PKHD1: variants seen among roughly 807,000 people sequenced by gnomAD.
The protein encoded by PKHD1 is fibrocystin.
A neutral mutation model predicts 412.0 loss-of-function variants in PKHD1; 291 were observed. That is an observed-to-expected ratio of 0.71 (90% confidence interval 0.64 to 0.78). The LOEUF (loss-of-function observed/expected upper bound fraction) is 0.78, where lower values mean the gene tolerates loss of function less well. PKHD1 is among the 30% of genes least tolerant of loss of function. The pLI, the probability that PKHD1 is intolerant of heterozygous loss-of-function variation, is 0.00. For synonymous variants in PKHD1, 1,777 were observed against 1,821.5 expected (o/e 0.98, Z 0.62); for missense variants, 4,825 against 4,950.7 (o/e 0.97, Z 0.76).
chr6:51,836,435 C>A lies in PKHD1; in HGVS notation c.8142G>T (p.Arg2714=). Reference sequence around the variant, plus strand: ...TAGTTGGGGGCATACCTTCCTTCACCCGGAGAATGACTTGAACTTGGCCTT... The same window carrying A: ...TAGTTGGGGGCATACCTTCCTTCACACGGAGAATGACTTGAACTTGGCCTT... ...SGEGQVQVIL[R]VKEGMPPTIS... Residue 2714 remains arginine, a synonymous_variant, in exon 51 of 67, where the codon CGG becomes CGT. Coordinates refer to ENST00000371117, the MANE Select transcript of PKHD1 (RefSeq NM_138694.4). The A allele has an allele frequency of 6.2e-7, 1 of 1,613,300 alleles. No homozygotes were observed. The highest frequency in any genetic ancestry group is 8.5e-7 in the Non-Finnish European group (1 of 1,179,332).
intron 60 of PKHD1, among the ~76,000 whole-genome samples, chr6:51,715,787 G>C (rs1313209638): frequency 6.6e-6 from 1 of 152,128 alleles, no homozygotes; most frequent in Non-Finnish European, 1.5e-5. Flanking sequence ...TCTACACAGA[G>C]GAGCTGTTTG....
intron 43 of PKHD1, among the ~76,000 whole-genome samples, chr6:51,890,440 C>T (rs1778926769): frequency 6.6e-6 from 1 of 152,014 alleles, no homozygotes; most frequent in South Asian, 2.1e-4. Flanking sequence ...GAACAACATC[C>T]TTTGCAGAAG....
chr6:51,726,154 C>T (rs530532576), intron 60 of PKHD1, among the ~76,000 whole-genome samples: 1 of 152,254 alleles, frequency 6.6e-6, no homozygotes, highest in South Asian at 2.1e-4. Context: ...AAATGAGCTG[C>T]TTTTCTTTAT....
At chr6:52,026,294 G>T in intron 31 of PKHD1, 113 bp from the exon 32 acceptor site, 1 of 997,104 alleles carries the variant, frequency 1.0e-6, no homozygotes, top group Non-Finnish European at 1.6e-6. Context: ...ATGTGTTAGT[G>T]AAACCTCAAT....
chr6:51,801,654 T>TGTGTGTGTGTGTGA (rs751203950), intron 52 of PKHD1, among the ~76,000 whole-genome samples: 1 of 114,210 alleles, frequency 8.8e-6, no homozygotes, highest in African/African-American at 3.8e-5. Context: ...TGTGTGTGTG[T>TGTGTGTGTGTGTGA]GAGAGAGAGA....
intron 35 of PKHD1, among the ~76,000 whole-genome samples, chr6:51,986,157 G>C (rs1475611855): frequency 6.6e-6 from 1 of 152,128 alleles, no homozygotes; most frequent in Non-Finnish European, 1.5e-5. Context: ...GTAATATATA[G>C]CATTTGTCTC....
intron 32 of PKHD1, 57 bp from the exon 33 acceptor site, chr6:52,023,001 C>T (rs1285267962): frequency 6.2e-7 from 1 of 1,600,542 alleles, no homozygotes; most frequent in African/African-American, 1.3e-5. Context: ...CTTCTTTACT[C>T]AACTCAAAAT....
At chr6:51,647,985 G>A (rs773168598) in intron 63 of PKHD1, 46 bp downstream of exon 63, 2 of 1,076,190 alleles carry the variant, frequency 1.9e-6, no homozygotes, top group East Asian at 4.7e-5. Context: ...TTTCTGTGCA[G>A]ATAAAGTGGT....
intron 60 of PKHD1, chr6:51,739,969 T>C (rs1458217280): frequency 1.9e-6 from 1 of 518,922 alleles, no homozygotes; most frequent in African/African-American, 1.9e-5. Context: ...AAAGCTTTGG[T>C]ATCTGCCTAA....
chr6:51,716,908 G>A (rs543687018), intron 60 of PKHD1, among the ~76,000 whole-genome samples: 2 of 152,030 alleles, frequency 1.3e-5, no homozygotes, highest in African/African-American at 2.4e-5. Flanking sequence ...AAGCAGAAAA[G>A]AAAAAGAGAG....
At chr6:51,870,889 A>G (rs1562504723) in intron 46 of PKHD1, among the ~76,000 whole-genome samples, 1 of 152,150 alleles carries the variant, frequency 6.6e-6, no homozygotes, top group Non-Finnish European at 1.5e-5. Context: ...GATAACCCAG[A>G]AAAGAAAATA....
Position 51,959,987 on chromosome 6 carries a change from T to C in PKHD1, c.5791A>G (p.Thr1931Ala). ...SLQFCRRWSR[T>A]HSWFPERLPQ... The stretch of plus-strand genomic sequence containing the variant: ...AGCCTTTCAGGAAACCAGCTGTGAG[T>C]CCTGGACCATCTCCGGCAGAACTGT... The change falls in exon 36 of 67, where the codon ACT (threonine) becomes GCT (alanine). Residue 1931 changes from threonine (T) to alanine (A), a missense_variant. Thr to Ala is a moderately conservative substitution (Grantham distance 58). Transcript: ENST00000371117. The C allele has an allele frequency of 6.2e-7, 1 of 1,613,484 alleles. No individual in the cohort carries two copies. The highest frequency in any genetic ancestry group is 8.5e-7 in the Non-Finnish European group (1 of 1,179,614).
At chr6:52,063,703 CA>C (rs1809042613) in intron 13 of PKHD1, among the ~76,000 whole-genome samples, 1 of 152,206 alleles carries the variant, frequency 6.6e-6, no homozygotes, top group South Asian at 2.1e-4. Flanking sequence ...CACTAGATGT[CA>C]GTATCATCAC....
chr6:51,872,103 A>G (rs1192016960), intron 46 of PKHD1, among the ~76,000 whole-genome samples: 2 of 152,192 alleles, frequency 1.3e-5, no homozygotes, highest in African/African-American at 4.8e-5. Flanking sequence ...CAGTAAGAAC[A>G]TTAAGATGAG....
chr6:52,063,919 C>T (rs1325235708), intron 13 of PKHD1, among the ~76,000 whole-genome samples: 4 of 152,220 alleles, frequency 2.6e-5, no homozygotes, highest in Non-Finnish European at 5.9e-5. Context: ...CCTACCACTA[C>T]CCAAGTAGCT....
At position 52,066,000 on chromosome 6, in the gene PKHD1, T is replaced by C; in HGVS notation, c.856A>G (p.Asn286Asp). ...CCTGCAATGGTAACCTGGGCAGAAT[T>C]GTCAAAAAAGTCTCCTGTAATTGTG... ...NITITGDFFDNSAQVTIAGIP... is the reference protein window; with the variant it reads ...NITITGDFFDDSAQVTIAGIP... Residue 286 changes from asparagine (N) to aspartate (D), a missense_variant, in exon 12 of 67, where the codon AAT becomes GAT. By Grantham distance (23) the Asn-to-Asp change is conservative. Transcript: ENST00000371117. 6.3e-7 allele frequency: 1 copy of C among 1,586,180 alleles called. No homozygotes were observed. Among genetic ancestry groups the C allele is most frequent in the Non-Finnish European group, 8.7e-7 (1 of 1,154,664 alleles).
intron 36 of PKHD1, among the ~76,000 whole-genome samples, chr6:51,944,836 A>G (rs780066740): frequency 6.6e-6 from 1 of 152,170 alleles, no homozygotes; most frequent in African/African-American, 2.4e-5. Context: ...AACCTGCTCA[A>G]TTTCTACAAG....
intron 56 of PKHD1, among the ~76,000 whole-genome samples, chr6:51,754,205 G>A (rs1342761058): frequency 6.6e-6 from 1 of 151,954 alleles, no homozygotes; most frequent in Non-Finnish European, 1.5e-5. Flanking sequence ...TTTATATGTA[G>A]TACATTCTAA....
Position 51,748,237 on chromosome 6 carries a change from G to A in PKHD1, c.9379C>T (p.Leu3127Phe). 1 of 1,614,076 alleles carries A rather than the reference G, an allele frequency of 6.2e-7. No individual in the cohort carries two copies. The highest frequency in any genetic ancestry group is 1.1e-5 in the South Asian group (1 of 91,080). ...TCCTTATAGAGATGAAGGCCATGAA[G>A]ACTTGAATGCGCCACATTGTCAGAC... ...LWSDNVAHSS[L>F]HGLHLYKESG... Residue 3127 changes from leucine (L) to phenylalanine (F), a missense_variant, in exon 58 of 67, where the codon CTT becomes TTT. By Grantham distance (22) the Leu-to-Phe change is conservative. Transcript: ENST00000371117.
Sources: gnomAD v4.1 joint callset for allele counts (sites outside exome capture counted in the v4.1 genomes callset) on GRCh38, gnomAD v4.1.1 for gene constraint, MANE v1.5 for transcripts, NCBI Gene and HGNC (gene_info 2026-07-23, HGNC 2026-07-21) for gene names.